The following NRXN3 variants were observed in gnomAD, a reference collection of about 807,000 sequenced individuals.
NRXN3 encodes neurexin III.
Under a neutral mutation model 137.6 loss-of-function variants are expected in NRXN3, and 32 were observed. The ratio of observed to expected loss-of-function variants is 0.23; its 90% confidence interval spans 0.18 to 0.31. NRXN3 has a LOEUF of 0.31. Ranked by LOEUF, NRXN3 falls within the 10% of genes least tolerant of loss-of-function variation. The probability of loss-of-function intolerance (pLI) is 1.00; values close to 1 mark genes in which losing one functional copy is unlikely to be tolerated. For synonymous variants in NRXN3, 798 were observed against 784.5 expected, an observed-to-expected ratio of 1.02 and a Z score of -0.29; for missense variants, 1,574 against 2,062.5, an observed-to-expected ratio of 0.76 and a Z score of 4.59.
chr14:78,239,199 G>A (rs7149373), intron 1 of NRXN3, among the ~76,000 whole-genome samples: 135,562 of 152,304 alleles, frequency 0.89, 60,485 homozygotes, highest in Middle Eastern at 0.97. Context: ...GGCAGACACC[G>A]TGTTGAAGCA....
chr14:79,388,591 AG>A (rs1267948398), intron 15 of NRXN3, among the ~76,000 whole-genome samples: 1 of 152,026 alleles, frequency 6.6e-6, no homozygotes, highest in African/African-American at 2.4e-5. Flanking sequence ...AAAGCATGAC[AG>A]GCAGGCTCAC....
At chr14:79,620,423 T>C (rs1242509798) in intron 16 of NRXN3, among the ~76,000 whole-genome samples, 1 of 152,048 alleles carries the variant, frequency 6.6e-6, no homozygotes, top group East Asian at 1.9e-4. Flanking sequence ...TGTAAGAACA[T>C]GAGCAAAGAT....
rs559120564 is a variant in NRXN3, at chr14:78,353,634, A to T, written c.757+55774A>T. ...AGAAAAAACTATTTTGAAGAAAAAA[A>T]AATCTGCAAACATTTTAAATGTATA... On this transcript the variant is annotated intron_variant, in intron 4 of 20. Coordinates refer to ENST00000335750, the MANE Select transcript of NRXN3 (RefSeq NM_001330195.2). Among the ~76,000 whole-genome samples, 174 of 152,308 alleles carry T rather than the reference A, an allele frequency of 1.1e-3. 1 individual carries two copies. Among genetic ancestry groups the T allele is most frequent in the African/African-American group, 4.1e-3 (169 of 41,566 alleles).
At chr14:78,839,433 T>G (rs1425344581) in intron 10 of NRXN3, among the ~76,000 whole-genome samples, 3 of 152,220 alleles carry the variant, frequency 2.0e-5, no homozygotes, top group African/African-American at 7.2e-5. Context: ...GCTCATGTAC[T>G]TTCCTCTTGA....
intron 15 of NRXN3, among the ~76,000 whole-genome samples, chr14:79,323,625 C>G (rs146399352): frequency 6.6e-6 from 1 of 151,490 alleles, no homozygotes; most frequent in Non-Finnish European, 1.5e-5. Context: ...TTTGGGAGGC[C>G]GAGGCAGGCA....
intron 10 of NRXN3, among the ~76,000 whole-genome samples, chr14:78,914,643 C>G (rs2152800112): frequency 6.6e-6 from 1 of 152,188 alleles, no homozygotes; most frequent in African/African-American, 2.4e-5. Flanking sequence ...GTTTGAGAAA[C>G]AACAAAGAGG....
intron 1 of NRXN3, among the ~76,000 whole-genome samples, chr14:78,173,611 C>T (rs991984814): frequency 2.1e-5 from 3 of 143,848 alleles, no homozygotes; most frequent in South Asian, 2.4e-4. Context: ...CTGCTCCCCC[C>T]ACCCTAGGCG....
At position 78,482,655 on chromosome 14, in the gene NRXN3, A is replaced by G. The variant is rs563066208; in HGVS notation, c.758-162465A>G. Among the ~76,000 whole-genome samples the G allele has an allele frequency of 3.3e-5, 5 of 152,342 alleles. No homozygotes were observed. In the East Asian group the frequency reaches 9.6e-4, roughly 29 times the overall value. On this transcript the variant is annotated intron_variant, in intron 4 of 20. Coordinates refer to ENST00000335750, the MANE Select transcript of NRXN3 (RefSeq NM_001330195.2). The stretch of plus-strand genomic sequence containing the variant: ...TTAGACTAAACTGATTTGATTGGTT[A>G]TATTTTTAGACTTGTTACTTCTGTT...
At chr14:79,085,571 T>C (rs999818200) in intron 15 of NRXN3, among the ~76,000 whole-genome samples, 9 of 152,176 alleles carry the variant, frequency 5.9e-5, no homozygotes, top group African/African-American at 2.2e-4. Flanking sequence ...ACCTCCTAGA[T>C]ATAAATCAAT....
chr14:79,294,607 G>C (rs2083735030), intron 15 of NRXN3, among the ~76,000 whole-genome samples: 1 of 152,150 alleles, frequency 6.6e-6, no homozygotes, highest in Admixed American at 6.6e-5. Flanking sequence ...TTAAGTGACA[G>C]AGCAATAACT....
At chr14:79,142,773 G>A (rs2058926405) in intron 15 of NRXN3, among the ~76,000 whole-genome samples, 1 of 152,136 alleles carries the variant, frequency 6.6e-6, no homozygotes, top group Non-Finnish European at 1.5e-5. Context: ...AAATGATGAG[G>A]AATGAGATTG....
intron 10 of NRXN3, among the ~76,000 whole-genome samples, chr14:78,898,615 G>A (rs1256430008): frequency 2.0e-5 from 3 of 146,560 alleles, no homozygotes; most frequent in Non-Finnish European, 3.0e-5. Flanking sequence ...GATATATCAA[G>A]CTGTCGGTTA....
At chr14:79,116,001 G>A (rs764194545) in intron 15 of NRXN3, among the ~76,000 whole-genome samples, 25 of 152,000 alleles carry the variant, frequency 1.6e-4, no homozygotes, top group Non-Finnish European at 3.5e-4. Context: ...AGAGAATGAG[G>A]GATACACGCA....
chr14:78,826,031 A>G (rs2098965580), intron 10 of NRXN3, among the ~76,000 whole-genome samples: 1 of 152,240 alleles, frequency 6.6e-6, no homozygotes, highest in African/African-American at 2.4e-5. Context: ...AACAAGAACA[A>G]TAATATAGGC....
intron 15 of NRXN3, among the ~76,000 whole-genome samples, chr14:79,052,855 T>C (rs1056150310): frequency 3.3e-5 from 5 of 152,182 alleles, no homozygotes; most frequent in African/African-American, 1.2e-4. Flanking sequence ...ATGGCTCTCA[T>C]ACCCTGATGT....
At chr14:79,266,815 AAC>A (rs2078527944) in intron 15 of NRXN3, among the ~76,000 whole-genome samples, 1 of 152,220 alleles carries the variant, frequency 6.6e-6, no homozygotes, top group African/African-American at 2.4e-5. Flanking sequence ...TTATATGAAC[AAC>A]TGCAAGTTAT....
At chr14:79,103,027 A>G (rs1315621996) in intron 15 of NRXN3, among the ~76,000 whole-genome samples, 2 of 152,202 alleles carry the variant, frequency 1.3e-5, no homozygotes, top group East Asian at 3.9e-4. Flanking sequence ...ATAAAATGAC[A>G]TGAGTAATTT....
At chr14:78,659,468 C>A (rs1369061034) in intron 6 of NRXN3, among the ~76,000 whole-genome samples, 1 of 151,858 alleles carries the variant, frequency 6.6e-6, no homozygotes, top group Non-Finnish European at 1.5e-5. Context: ...TGCTTGAGTC[C>A]AGGAGTTGGA....
intron 6 of NRXN3, among the ~76,000 whole-genome samples, chr14:78,652,849 T>C (rs1283254598): frequency 2.6e-5 from 4 of 152,252 alleles, no homozygotes; most frequent in Admixed American, 2.6e-4. Flanking sequence ...ATGATCTCCA[T>C]GCTCCAAGGC....
Sources: gnomAD v4.1 joint callset for allele counts (sites outside exome capture counted in the v4.1 genomes callset) on GRCh38, gnomAD v4.1.1 for gene constraint, MANE v1.5 for transcripts, NCBI Gene and HGNC (gene_info 2026-07-23, HGNC 2026-07-21) for gene names.